The following CDA variants were observed in gnomAD, a reference collection of about 807,000 sequenced individuals.
CDA encodes cytidine deaminase, also known as cytidine aminohydrolase.
Under a neutral mutation model 15.0 loss-of-function variants are expected in CDA, and 7 were observed. That is an observed-to-expected ratio of 0.47 (90% CI 0.26 to 0.87). The LOEUF (loss-of-function observed/expected upper bound fraction) is 0.87, where lower values mean the gene tolerates loss of function less well. Ranked by LOEUF, CDA falls within the 40% of genes least tolerant of loss-of-function variation. The pLI is 0.15. For missense variants in CDA, 159 were observed against 182.7 expected (o/e 0.87, Z 0.75); for synonymous variants, 58 against 73.0 (o/e 0.79, Z 1.05).
chr1:20,596,507 G>A (rs971426174), intron 1 of CDA, among the ~76,000 whole-genome samples: 6 of 152,092 alleles, frequency 3.9e-5, no homozygotes, highest in Admixed American at 1.3e-4. Flanking sequence ...CTTGAGTCCA[G>A]GAGTTCAAAT....
In CDA at chr1:20,606,530, G is replaced by A. The variant is rs567907900; in HGVS notation, c.266+1491G>A. 1.2e-4 allele frequency among the ~76,000 whole-genome samples: 18 copies of A among 152,176 alleles called. 2 individuals are homozygous for A. The South Asian group carries it at 3.3e-3, about 28-fold the overall frequency. On this transcript the variant is annotated intron_variant, in intron 2 of 3. Coordinates refer to ENST00000375071, the MANE Select transcript of CDA (RefSeq NM_001785.3). ...ATTCCACTACATCATGCTGTGCCAG[G>A]AGATGGAACACTTTTCCCTGTTCTC... is the stretch of plus-strand genomic sequence containing the variant.
chr1:20,596,149 C>CG (rs969961806), intron 1 of CDA, among the ~76,000 whole-genome samples: 6 of 151,226 alleles, frequency 4.0e-5, no homozygotes, highest in Admixed American at 6.6e-5. Flanking sequence ...AACTCCATCT[C>CG]GAAAAAAAAA....
chr1:20,593,618 T>C (rs1230220160), intron 1 of CDA, among the ~76,000 whole-genome samples: 2 of 152,222 alleles, frequency 1.3e-5, no homozygotes, highest in East Asian at 3.8e-4. Context: ...CTGCTGCCCA[T>C]GCTGGAAGTA....
chr1:20,602,097 G>A (rs1411605570), intron 1 of CDA, among the ~76,000 whole-genome samples: 5 of 145,654 alleles, frequency 3.4e-5, no homozygotes, highest in South Asian at 2.4e-4. Flanking sequence ...CACCAGCCTG[G>A]GCAACAGAGT....
chr1:20,589,806 C>T (rs909793722), intron 1 of CDA, among the ~76,000 whole-genome samples: 3 of 152,164 alleles, frequency 2.0e-5, no homozygotes, highest in Admixed American at 6.5e-5. Flanking sequence ...CTTCCTTCCA[C>T]CCACTGTGCT....
intron 1 of CDA, among the ~76,000 whole-genome samples, chr1:20,601,674 G>T (rs557019856): frequency 6.6e-6 from 1 of 152,272 alleles, no homozygotes; most frequent in East Asian, 1.9e-4. Flanking sequence ...TCCTGAGAAC[G>T]AGTTAAATGA....
Position 20,594,168 on chromosome 1 carries a change from A to G in CDA, c.154+4885A>G, listed in dbSNP as rs547176716. On this transcript the variant is annotated intron_variant, in intron 1 of 3. Transcript: ENST00000375071. ...CCCCCTCCAAGGCAGCTGGTGTCCC[A>G]TCCAATTCAAAAGCAGGCCTGGCTG... Among the ~76,000 whole-genome samples, 4 of 152,342 alleles carry G rather than the reference A, an allele frequency of 2.6e-5. No homozygotes were observed. In the South Asian group the frequency reaches 8.3e-4, roughly 32 times the overall value.
At chr1:20,609,950 C>T (rs766745607) in intron 2 of CDA, among the ~76,000 whole-genome samples, 1 of 152,160 alleles carries the variant, frequency 6.6e-6, no homozygotes, top group East Asian at 1.9e-4. Flanking sequence ...TGGACCCCCA[C>T]ATGTAAAAGG....
chr1:20,618,023 C>T (rs539512199), intron 3 of CDA, among the ~76,000 whole-genome samples: 28 of 151,984 alleles, frequency 1.8e-4, no homozygotes, highest in Non-Finnish European at 2.5e-4. Flanking sequence ...ATAAATTACC[C>T]GGTCTCAAGT....
chr1:20,606,480 G>A (rs867056632), intron 2 of CDA, among the ~76,000 whole-genome samples: 8 of 152,064 alleles, frequency 5.3e-5, no homozygotes, highest in Admixed American at 2.0e-4. Flanking sequence ...CAAAACCCAG[G>A]TTCCAGAGTC....
chr1:20,604,340 C>T (rs886302244), intron 1 of CDA, among the ~76,000 whole-genome samples: 3 of 152,184 alleles, frequency 2.0e-5, no homozygotes, highest in Non-Finnish European at 4.4e-5. Flanking sequence ...TAGTCATAGA[C>T]GGTGACTCCT....
chr1:20,593,486 G>A (rs1380798669), intron 1 of CDA, among the ~76,000 whole-genome samples: 1 of 152,160 alleles, frequency 6.6e-6, no homozygotes, highest in Non-Finnish European at 1.5e-5. Context: ...TATCCTTCTG[G>A]GTGCAGGTCT....
intron 2 of CDA, among the ~76,000 whole-genome samples, chr1:20,613,182 C>T (rs1310369251): frequency 6.6e-6 from 1 of 151,614 alleles, no homozygotes; most frequent in Non-Finnish European, 1.5e-5. Flanking sequence ...GATGAGCTCC[C>T]TCATACTGTG....
At chr1:20,596,654 C>T (rs926223029) in intron 1 of CDA, among the ~76,000 whole-genome samples, 11 of 152,070 alleles carry the variant, frequency 7.2e-5, no homozygotes, top group African/African-American at 2.2e-4. Context: ...TTGCTAGGAT[C>T]CCTCAGAAAA....
intron 1 of CDA, among the ~76,000 whole-genome samples, chr1:20,598,273 TTCTC>T (rs1361564468): frequency 1.3e-5 from 2 of 152,168 alleles, no homozygotes; most frequent in African/African-American, 2.4e-5. Flanking sequence ...ACAGTATGGA[TTCTC>T]TCTCTTTCAC....
chr1:20,618,480 C>A lies in CDA; in HGVS notation c.353C>A (p.Thr118Asn), dbSNP rs2052839719. Residue 118 changes from threonine to asparagine, a missense_variant, in exon 4 of 4, where the codon ACC becomes AAC. Transcript: ENST00000375071. Reference sequence around the variant, plus strand: ...GGCACCAACTGGCCCGTGTACATGACCAAGCCGGATGGTACGTATATTGTC... The same window carrying A: ...GGCACCAACTGGCCCGTGTACATGAACAAGCCGGATGGTACGTATATTGTC... Reference protein sequence around the residue: ...EFGTNWPVYMTKPDGTYIVMT... With the variant: ...EFGTNWPVYMNKPDGTYIVMT... The A allele has an allele frequency of 6.2e-7, 1 of 1,613,300 alleles. No homozygotes were observed. Among genetic ancestry groups the A allele is most frequent in the Non-Finnish European group, 8.5e-7 (1 of 1,179,496 alleles).
chr1:20,604,692 C>G (rs2052677020), intron 1 of CDA, among the ~76,000 whole-genome samples: 1 of 152,130 alleles, frequency 6.6e-6, no homozygotes, highest in Non-Finnish European at 1.5e-5. Context: ...TGTGCTTCAT[C>G]ATGGAGGCAT....
chr1:20,615,500 CA>C (rs1007237613), intron 3 of CDA, among the ~76,000 whole-genome samples: 20 of 136,306 alleles, frequency 1.5e-4, no homozygotes, highest in Admixed American at 2.9e-4. Flanking sequence ...TAAAACAAAA[CA>C]AAAAAATGAA....
At chr1:20,616,467 A>C (rs1451597650) in intron 3 of CDA, among the ~76,000 whole-genome samples, 3 of 152,074 alleles carry the variant, frequency 2.0e-5, no homozygotes, top group Non-Finnish European at 4.4e-5. Context: ...AAAACATACC[A>C]CCGGGAAAGC....
Sources: allele counts gnomAD v4.1 joint callset (sites outside exome capture counted in the v4.1 genomes callset), GRCh38; gene constraint gnomAD v4.1.1; transcripts MANE v1.5; gene names NCBI Gene and HGNC (gene_info 2026-07-23, HGNC 2026-07-21).